LCLAT1: variants seen among roughly 807,000 people sequenced by gnomAD.
LCLAT1 encodes the protein lysocardiolipin acyltransferase 1.
Under a neutral mutation model 30.7 loss-of-function variants are expected in LCLAT1, and 11 were observed. The ratio of observed to expected loss-of-function variants is 0.36; its 90% CI spans 0.23 to 0.59. LCLAT1 has a LOEUF of 0.59. Among genes scored for constraint, LCLAT1 ranks in the 20% least tolerant of loss-of-function variants. The probability of loss-of-function intolerance (pLI) is 0.77; values close to 1 mark genes in which losing one functional copy is unlikely to be tolerated. For synonymous variants in LCLAT1, 155 were observed against 151.3 expected, an observed-to-expected ratio of 1.02 and a Z score of -0.18; for missense variants, 402 against 458.6, an observed-to-expected ratio of 0.88 and a Z score of 1.13.
intron 1 of LCLAT1, among the ~76,000 whole-genome samples, chr2:30,502,758 T>C (rs1434737431): frequency 3.9e-5 from 6 of 152,230 alleles, no homozygotes; most frequent in Non-Finnish European, 8.8e-5. Context: ...CACTTTTGTT[T>C]ATCCGTTCAA....
chr2:30,466,178 A>T lies in LCLAT1; in HGVS notation c.-5+18795A>T, dbSNP rs563934722. ...TTGTTAGGACTTTGTAAATTTTTTC[A>T]TAAAGAACCAAGCTCATTTTAAAGT... On this transcript the variant is annotated intron_variant, in intron 1 of 5. Transcript: ENST00000379509. 3.8e-4 allele frequency among the ~76,000 whole-genome samples: 58 copies of T among 152,052 alleles called. 1 individual carries two copies. The South Asian group carries it at 9.7e-3, about 26-fold the overall frequency.
At chr2:30,538,846 C>G (rs1040355607) in intron 3 of LCLAT1, among the ~76,000 whole-genome samples, 1 of 151,884 alleles carries the variant, frequency 6.6e-6, no homozygotes, top group African/African-American at 2.4e-5. Flanking sequence ...ACAGAAAACC[C>G]AAACAGACCA....
intron 5 of LCLAT1, among the ~76,000 whole-genome samples, chr2:30,637,129 T>C (rs1338416709): frequency 7.2e-5 from 11 of 152,134 alleles, no homozygotes; most frequent in Non-Finnish European, 4.4e-5. Flanking sequence ...TTTACCTCCA[T>C]GTGAGAGAAA....
In LCLAT1 at chr2:30,512,456, G is replaced by T. The variant is rs542256890; in HGVS notation, c.-4-13131G>T. On this transcript the variant is annotated intron_variant, in intron 1 of 5. Coordinates refer to ENST00000379509, the MANE Select transcript of LCLAT1 (RefSeq NM_001002257.3). The stretch of plus-strand genomic sequence containing the variant: ...ACACTTTTCTCTTATTTCCAGTTGG[G>T]TGAGGTCAAGGGGAAGGAAGCCCTC... Among the ~76,000 whole-genome samples, 20 of 152,154 alleles carry T rather than the reference G, an allele frequency of 1.3e-4. No individual in the cohort carries two copies. In the East Asian group the frequency reaches 2.7e-3, roughly 21 times the overall value.
At chr2:30,568,252 G>C in intron 5 of LCLAT1, 76 bp downstream of exon 5, 1 of 633,438 alleles carries the variant, frequency 1.6e-6, no homozygotes, top group Non-Finnish European at 2.7e-6. Context: ...GCCCTTTAGA[G>C]TTTGTAAAGG....
At chr2:30,479,900 C>A (rs1281121924) in intron 1 of LCLAT1, among the ~76,000 whole-genome samples, 1 of 152,124 alleles carries the variant, frequency 6.6e-6, no homozygotes, top group African/African-American at 2.4e-5. Flanking sequence ...CACTGAACAT[C>A]TGTGATTTTA....
intron 3 of LCLAT1, among the ~76,000 whole-genome samples, chr2:30,545,744 A>T (rs1664374770): frequency 6.6e-6 from 1 of 152,188 alleles, no homozygotes; most frequent in South Asian, 2.1e-4. Flanking sequence ...GAAATGAAAT[A>T]TTAAACTTAA....
chr2:30,613,490 C>G (rs1427535474), intron 5 of LCLAT1, among the ~76,000 whole-genome samples: 1 of 151,682 alleles, frequency 6.6e-6, no homozygotes, highest in Non-Finnish European at 1.5e-5. Context: ...TGGGTTGCCC[C>G]TACACACCTG....
intron 5 of LCLAT1, among the ~76,000 whole-genome samples, chr2:30,590,219 T>C (rs1315121312): frequency 6.6e-6 from 1 of 152,130 alleles, no homozygotes; most frequent in African/African-American, 2.4e-5. Context: ...TGAGAACATT[T>C]GTGAGTGAAG....
chr2:30,525,902 A>T (rs918307579), intron 2 of LCLAT1, 147 bp downstream of exon 2: 9 of 637,522 alleles, frequency 1.4e-5, no homozygotes, highest in Non-Finnish European at 2.5e-5. Context: ...TAATCTCTAG[A>T]TTGCTTATAA....
rs559760558 is a variant in LCLAT1, at chr2:30,468,849, T to G, written c.-5+21466T>G. On this transcript the variant is annotated intron_variant, in intron 1 of 5. Coordinates refer to ENST00000379509, the MANE Select transcript of LCLAT1 (RefSeq NM_001002257.3). ...AGGTTTATTTAACTCTTTGAGAAAC[T>G]GCTATTTTACATTCCCACCAGCAAT... Among the ~76,000 whole-genome samples, 182 of 152,328 alleles carry G rather than the reference T, an allele frequency of 1.2e-3. 3 individuals carry two copies. Among genetic ancestry groups the G allele is most frequent in the South Asian group, 2.1e-3 (10 of 4,826 alleles).
At chr2:30,576,129 A>C (rs941117213) in intron 5 of LCLAT1, among the ~76,000 whole-genome samples, 2 of 152,134 alleles carry the variant, frequency 1.3e-5, no homozygotes, top group Non-Finnish European at 2.9e-5. Context: ...TGCCCTGTAT[A>C]ATGTTTAATA....
At chr2:30,631,327 G>C (rs1441946741) in intron 5 of LCLAT1, among the ~76,000 whole-genome samples, 2 of 152,156 alleles carry the variant, frequency 1.3e-5, no homozygotes, top group Non-Finnish European at 2.9e-5. Context: ...GTCCCAAATT[G>C]AGTAGTGAAC....
chr2:30,559,746 A>G lies in LCLAT1; in HGVS notation c.365-2400A>G, dbSNP rs72858922. 9.9e-3 allele frequency among the ~76,000 whole-genome samples: 1,500 copies of G among 152,230 alleles called. 28 individuals carry two copies. The highest frequency in any genetic ancestry group is 0.035 in the African/African-American group (1,440 of 41,528). On this transcript the variant is annotated intron_variant, in intron 3 of 5. Coordinates refer to ENST00000379509, the MANE Select transcript of LCLAT1 (RefSeq NM_001002257.3). ...TTGTATAATCTCTTCATCTCTTTCT[A>G]GTTAAGTAATTGTTTTCATGTGGCT...
chr2:30,568,512 T>C (rs1665611812), intron 5 of LCLAT1, among the ~76,000 whole-genome samples: 1 of 144,784 alleles, frequency 6.9e-6, no homozygotes, highest in Non-Finnish European at 1.5e-5. Flanking sequence ...TTTCTTTTTT[T>C]TTTTTTTTTT....
intron 1 of LCLAT1, among the ~76,000 whole-genome samples, chr2:30,476,058 C>T (rs1020817568): frequency 6.6e-6 from 1 of 152,110 alleles, no homozygotes; most frequent in Non-Finnish European, 1.5e-5. Flanking sequence ...AAGCACTGTC[C>T]TGGGGCATTG....
chr2:30,608,977 T>C (rs78617795), intron 5 of LCLAT1, among the ~76,000 whole-genome samples: 2,491 of 152,262 alleles, frequency 0.016, 70 homozygotes, highest in African/African-American at 0.057. Context: ...ACACTTGGTA[T>C]TATCCAGCTT....
intron 1 of LCLAT1, among the ~76,000 whole-genome samples, chr2:30,509,203 T>C (rs765823755): frequency 1.3e-5 from 2 of 152,208 alleles, no homozygotes; most frequent in Non-Finnish European, 2.9e-5. Flanking sequence ...TAGGTTCATG[T>C]CATCTGCAAA....
At chr2:30,497,145 A>G (rs1251642913) in intron 1 of LCLAT1, among the ~76,000 whole-genome samples, 1 of 152,222 alleles carries the variant, frequency 6.6e-6, no homozygotes, top group Non-Finnish European at 1.5e-5. Context: ...TACCCTCTAG[A>G]CTCAGCATTT....
Sources: allele counts gnomAD v4.1 joint callset (sites outside exome capture counted in the v4.1 genomes callset), GRCh38; gene constraint gnomAD v4.1.1; transcripts MANE v1.5; gene names NCBI Gene and HGNC (gene_info 2026-07-23, HGNC 2026-07-21).